KIF24: variants seen among roughly 807,000 people sequenced by gnomAD.
KIF24 encodes kinesin family member 24.
Under a neutral mutation model 118.9 loss-of-function variants are expected in KIF24, and 81 were observed. The observed-to-expected ratio is 0.68, with a 90% CI of 0.57 to 0.82. The LOEUF (loss-of-function observed/expected upper bound fraction) is 0.82. Ranked by LOEUF, KIF24 falls within the 40% of genes least tolerant of loss-of-function variation. The pLI is 0.00. For synonymous variants in KIF24, 599 were observed against 610.0 expected (o/e 0.98, Z 0.27); for missense variants, 1,560 against 1,661.6 (o/e 0.94, Z 1.06).
chr9:34,315,947 T>C (rs937978891), intron 1 of KIF24, among the ~76,000 whole-genome samples: 2 of 149,096 alleles, frequency 1.3e-5, no homozygotes, highest in African/African-American at 5.0e-5. Flanking sequence ...GAGAATCACT[T>C]GAACCCAGGA....
chr9:34,283,444 G>T (rs1168570382), intron 6 of KIF24, among the ~76,000 whole-genome samples: 1 of 152,032 alleles, frequency 6.6e-6, no homozygotes, highest in African/African-American at 2.4e-5. Flanking sequence ...ATTATATTAA[G>T]AAAACTAGTG....
rs1465187159 is a variant in KIF24, at chr9:34,311,104, G to GCTTGT, written c.238_242dup (p.Ser81ArgfsTer12). On this transcript the variant is annotated frameshift_variant, in exon 2 of 13. Transcript: ENST00000402558. LOFTEE classifies it high-confidence loss of function. ...ATTCCTGAGATTTGATGCGCAGGCT[G>GCTTGT]CTTGTCTGAAGATGACGCTCTGGGA... is the stretch of plus-strand genomic sequence containing the variant. The GCTTGT allele has an allele frequency of 6.2e-7, 1 of 1,613,560 alleles. No homozygotes were observed. Among genetic ancestry groups the GCTTGT allele is most frequent in the African/African-American group, 1.3e-5 (1 of 74,896 alleles).
chr9:34,323,596 A>G (rs1404081587), intron 1 of KIF24, among the ~76,000 whole-genome samples: 1 of 152,232 alleles, frequency 6.6e-6, no homozygotes, highest in Non-Finnish European at 1.5e-5. Flanking sequence ...CACTGCAGTC[A>G]TAAAATACTT....
At chr9:34,309,408 G>A (rs896302166) in intron 2 of KIF24, among the ~76,000 whole-genome samples, 8 of 151,794 alleles carry the variant, frequency 5.3e-5, no homozygotes, top group Admixed American at 5.2e-4. Context: ...AGGCATAGTG[G>A]CGGGCGCCTG....
intron 1 of KIF24, among the ~76,000 whole-genome samples, chr9:34,323,375 T>C (rs1461158470): frequency 2.0e-5 from 3 of 152,220 alleles, no homozygotes; most frequent in East Asian, 1.9e-4. Flanking sequence ...GTGAAAAGCA[T>C]GAGCAATCAC....
At position 34,257,423 on chromosome 9, in the gene KIF24, G is replaced by A; in HGVS notation, c.2184C>T (p.His728=). The A allele has an allele frequency of 6.2e-7, 1 of 1,614,064 alleles. No homozygotes were observed. The highest frequency in any genetic ancestry group is 8.5e-7 in the Non-Finnish European group (1 of 1,179,898). The change falls in exon 11 of 13, where the codon CAC becomes CAT. Residue 728 remains histidine, a synonymous_variant. Transcript: ENST00000402558. The part of the protein sequence containing the change: ...SRVELSFGNA[H]HRAEYSQDSQ... The stretch of plus-strand genomic sequence containing the variant: ...TGTCTTGACTGTACTCAGCCCTGTG[G>A]TGGGCGTTGCCAAAGGAGAGCTCAA...
rs763463085 is a variant in KIF24, at chr9:34,253,220, C to T, written c.*1160G>A. The T allele has an allele frequency of 3.3e-5, 5 of 152,178 alleles. No individual in the cohort carries two copies. Among genetic ancestry groups the T allele is most frequent in the East Asian group, 1.9e-4 (1 of 5,200 alleles). The allele number at this position is 152,178 out of a possible 1,614,324, so 9.4% of individuals were successfully genotyped here. A position where few individuals can be genotyped will look rare whatever the true frequency, so the allele number is the denominator to read the frequency against. On this transcript the variant is annotated 3_prime_UTR_variant, in exon 13 of 13. Coordinates refer to ENST00000402558, the MANE Select transcript of KIF24 (RefSeq NM_194313.4). Reference sequence around the variant, plus strand: ...TTTAATTAAGCCCTCCTTTTAAAACCGTAAAAAGTTATCCTTTATCTGAAG... The same window carrying T: ...TTTAATTAAGCCCTCCTTTTAAAACTGTAAAAAGTTATCCTTTATCTGAAG...
At chr9:34,278,207 G>A (rs554807102) in intron 6 of KIF24, among the ~76,000 whole-genome samples, 11 of 152,136 alleles carry the variant, frequency 7.2e-5, no homozygotes, top group African/African-American at 2.4e-4. Flanking sequence ...TCAGGAGTTC[G>A]AGACCAGCCT....
At chr9:34,270,275 G>C (rs561499830) in intron 7 of KIF24, among the ~76,000 whole-genome samples, 7 of 151,894 alleles carry the variant, frequency 4.6e-5, no homozygotes, top group African/African-American at 1.7e-4. Flanking sequence ...CCAGCACTTT[G>C]GGAGGCTGAG....
intron 3 of KIF24, among the ~76,000 whole-genome samples, chr9:34,297,772 AAAAG>A (rs1254474716): frequency 6.6e-6 from 1 of 151,838 alleles, no homozygotes; most frequent in Non-Finnish European, 1.5e-5. Context: ...AAAAAAAAAA[AAAAG>A]AATTTTGGAG....
intron 9 of KIF24, among the ~76,000 whole-genome samples, chr9:34,262,675 AATAT>A (rs1428160924): frequency 5.9e-4 from 16 of 27,058 alleles, no homozygotes; most frequent in African/African-American, 2.9e-3. Context: ...AAAAAAAAAA[AATAT>A]ATATATATAT....
chr9:34,310,185 C>G (rs1327357503), intron 2 of KIF24, among the ~76,000 whole-genome samples: 1 of 152,000 alleles, frequency 6.6e-6, no homozygotes, highest in African/African-American at 2.4e-5. Context: ...CTGTTTTTTC[C>G]GGGGTTGAAA....
intron 9 of KIF24, among the ~76,000 whole-genome samples, chr9:34,261,444 C>CAAAACAA (rs1477847483): frequency 6.6e-6 from 1 of 152,102 alleles, no homozygotes; most frequent in African/African-American, 2.4e-5. Context: ...AAAAACAAAA[C>CAAAACAA]AAAACAAAAA....
At chr9:34,277,486 T>C (rs1238366632) in intron 6 of KIF24, among the ~76,000 whole-genome samples, 1 of 152,124 alleles carries the variant, frequency 6.6e-6, no homozygotes, top group Non-Finnish European at 1.5e-5. Context: ...AACGTGGATA[T>C]GAACAGGAAA....
intron 7 of KIF24, among the ~76,000 whole-genome samples, chr9:34,269,676 C>T (rs1835429824): frequency 6.6e-6 from 1 of 152,046 alleles, no homozygotes; most frequent in Admixed American, 6.5e-5. Context: ...GCCTTGGCCT[C>T]CCAAAGTGCT....
chr9:34,296,400 G>A lies in KIF24; in HGVS notation c.911+617C>T, dbSNP rs560232631. 1.8e-4 allele frequency among the ~76,000 whole-genome samples: 28 copies of A among 151,542 alleles called. No homozygotes were observed. In the South Asian group the frequency reaches 5.0e-3, roughly 27 times the overall value. On this transcript the variant is annotated intron_variant, in intron 4 of 12. Coordinates refer to ENST00000402558, the MANE Select transcript of KIF24 (RefSeq NM_194313.4). ...AAATTAGCCGGGCGTGGTGGCGGGC[G>A]CCTGTAGTCCCAGCTACTTGGGAGG...
intron 3 of KIF24, among the ~76,000 whole-genome samples, chr9:34,301,194 T>A (rs913904578): frequency 2.0e-5 from 3 of 152,204 alleles, no homozygotes; most frequent in Admixed American, 1.3e-4. Flanking sequence ...ACTTTATCAG[T>A]GAGGCTGGAG....
In KIF24 at chr9:34,256,346, G is replaced by A. The variant is rs1834839341; in HGVS notation, c.3261C>T (p.Gly1087=). 1.2e-6 allele frequency: 2 copies of A among 1,613,566 alleles called. No homozygotes were observed. The highest frequency in any genetic ancestry group is 1.7e-5 in the Admixed American group (1 of 59,984). The change falls in exon 11 of 13, where the codon GGC becomes GGT. Residue 1087 remains glycine (G), a synonymous_variant. Coordinates refer to ENST00000402558, the MANE Select transcript of KIF24 (RefSeq NM_194313.4). ...ATGGCACTGTGTGGCTCACAACTGGGCCCCCTGTGCTCTCTGCCACTAGAC... is the reference window on the plus strand; with the variant it reads ...ATGGCACTGTGTGGCTCACAACTGGACCCCCTGTGCTCTCTGCCACTAGAC... ...THSLVAESTG[G]PVVSHTVPSG...
intron 3 of KIF24, among the ~76,000 whole-genome samples, chr9:34,304,556 T>C (rs1836842580): frequency 6.6e-6 from 1 of 152,238 alleles, no homozygotes; most frequent in Non-Finnish European, 1.5e-5. Flanking sequence ...TAAGTAGCCA[T>C]GGAACTAGAT....
Sources: gnomAD v4.1 joint callset for allele counts (sites outside exome capture counted in the v4.1 genomes callset) on GRCh38, gnomAD v4.1.1 for gene constraint, MANE v1.5 for transcripts, NCBI Gene and HGNC (gene_info 2026-07-23, HGNC 2026-07-21) for gene names.